The following DAB1 variants were observed in gnomAD, a reference collection of about 807,000 sequenced individuals.
DAB1 encodes disabled homolog 1.
In DAB1, 15 loss-of-function variants were observed where a neutral mutation model predicts 64.6. The ratio of observed to expected loss-of-function variants is 0.23; its 90% confidence interval spans 0.16 to 0.36. The LOEUF is 0.36. DAB1 is among the 10% of genes least tolerant of loss of function. The probability of loss-of-function intolerance (pLI) is 1.00; values close to 1 mark genes in which losing one functional copy is unlikely to be tolerated. For synonymous variants in DAB1, 235 were observed against 251.9 expected, an observed-to-expected ratio of 0.93 and a Z score of 0.64; for missense variants, 596 against 706.7, an observed-to-expected ratio of 0.84 and a Z score of 1.78.
Position 57,612,333 on chromosome 1 carries a change from T to C in DAB1, n.625+37259A>G, listed in dbSNP as rs188897236. Among the ~76,000 whole-genome samples, 15 of 152,242 alleles carry C rather than the reference T, an allele frequency of 9.9e-5. No individual in the cohort carries two copies. The East Asian group carries it at 2.9e-3, about 29-fold the overall frequency. On this transcript the variant is annotated intron_variant and non_coding_transcript_variant, in intron 7 of 20. Transcript: ENST00000485760. ...CTGTCCTAATCCCCAAAACCTGTGA[T>C]TATGTTACCTTACATGGTAAACGTA...
intron 5 of DAB1, among the ~76,000 whole-genome samples, chr1:58,010,245 T>A (rs1646648164): frequency 6.6e-6 from 1 of 152,194 alleles, no homozygotes; most frequent in African/African-American, 2.4e-5. Flanking sequence ...ATGCAGACAC[T>A]GAGGCTCAAG....
intron 4 of DAB1, among the ~76,000 whole-genome samples, chr1:57,097,022 G>A (rs1654228766): frequency 6.6e-6 from 1 of 152,090 alleles, no homozygotes; most frequent in African/African-American, 2.4e-5. Flanking sequence ...CAAGAAGGCA[G>A]GGGTAATAGG....
At chr1:57,561,028 T>C (rs185764640) in intron 7 of DAB1, among the ~76,000 whole-genome samples, 1 of 152,190 alleles carries the variant, frequency 6.6e-6, no homozygotes, top group Admixed American at 6.5e-5. Flanking sequence ...CATCATCAAA[T>C]GGAAGTGGTA....
At chr1:58,515,026 T>C (rs1646138307) in intron 2 of DAB1, among the ~76,000 whole-genome samples, 1 of 152,186 alleles carries the variant, frequency 6.6e-6, no homozygotes, top group Non-Finnish European at 1.5e-5. Flanking sequence ...TTGATTATTA[T>C]ACACTACAAT....
At chr1:57,645,237 G>C (rs1225512234) in intron 7 of DAB1, among the ~76,000 whole-genome samples, 1 of 152,098 alleles carries the variant, frequency 6.6e-6, no homozygotes, top group African/African-American at 2.4e-5. Context: ...TAGTCACGTT[G>C]GTATATTACA....
intron 3 of DAB1, chr1:58,415,352 A>G (rs1047398088): frequency 8.6e-6 from 2 of 233,694 alleles, no homozygotes; most frequent in Non-Finnish European, 1.4e-5. Context: ...TGTGCAGACT[A>G]AGACACTTGG....
chr1:58,029,755 C>T (rs559682005), intron 5 of DAB1, among the ~76,000 whole-genome samples: 2 of 151,968 alleles, frequency 1.3e-5, no homozygotes, highest in South Asian at 4.2e-4. Flanking sequence ...ATTTTAGCTT[C>T]AATAAATAAT....
chr1:57,068,817 A>G (rs988503537), intron 8 of DAB1, among the ~76,000 whole-genome samples: 3 of 152,208 alleles, frequency 2.0e-5, no homozygotes, highest in Non-Finnish European at 4.4e-5. Context: ...CTATAAAAAC[A>G]GAATTAAAAT....
At chr1:58,130,783 G>T (rs1021740188) in intron 5 of DAB1, among the ~76,000 whole-genome samples, 30 of 151,960 alleles carry the variant, frequency 2.0e-4, no homozygotes, top group Admixed American at 1.9e-3. Flanking sequence ...TTGAATATTG[G>T]CCCCCACTCT....
intron 6 of DAB1, among the ~76,000 whole-genome samples, chr1:57,726,326 G>T (rs1044766443): frequency 6.6e-6 from 1 of 152,130 alleles, no homozygotes; most frequent in Non-Finnish European, 1.5e-5. Flanking sequence ...ACTGAGTTCT[G>T]GATATTAAAT....
At chr1:57,809,807 C>T (rs928225738) in intron 6 of DAB1, among the ~76,000 whole-genome samples, 1 of 152,146 alleles carries the variant, frequency 6.6e-6, no homozygotes, top group African/African-American at 2.4e-5. Context: ...AGAAAATTAA[C>T]CTGACCTCTT....
chr1:58,312,206 G>C (rs1026347498), intron 4 of DAB1, among the ~76,000 whole-genome samples: 1 of 152,150 alleles, frequency 6.6e-6, no homozygotes, highest in Non-Finnish European at 1.5e-5. Flanking sequence ...AAGAGAGCAG[G>C]GCGATGCAAA....
intron 3 of DAB1, among the ~76,000 whole-genome samples, chr1:58,463,033 G>A (rs1488604483): frequency 1.3e-5 from 2 of 152,194 alleles, no homozygotes; most frequent in Non-Finnish European, 2.9e-5. Context: ...TGCTTCATAA[G>A]CAATGTCATA....
intron 5 of DAB1, among the ~76,000 whole-genome samples, chr1:58,033,318 T>C (rs184260701): frequency 2.0e-5 from 3 of 152,270 alleles, no homozygotes; most frequent in African/African-American, 4.8e-5. Flanking sequence ...ACTGTCTGGA[T>C]TGTAATCAGT....
intron 7 of DAB1, among the ~76,000 whole-genome samples, chr1:57,517,484 G>A (rs115366764): frequency 3.7e-4 from 57 of 152,290 alleles, no homozygotes; most frequent in African/African-American, 1.3e-3. Context: ...TAAGTGAATT[G>A]AAATGGGGAA....
At chr1:57,484,877 G>A (rs771287813) in intron 7 of DAB1, among the ~76,000 whole-genome samples, 3 of 152,116 alleles carry the variant, frequency 2.0e-5, no homozygotes, top group African/African-American at 2.4e-5. Context: ...TGTGGTGCTG[G>A]TGAACAAGTT....
chr1:57,052,775 G>A (rs1358284141), intron 9 of DAB1, among the ~76,000 whole-genome samples: 1 of 152,168 alleles, frequency 6.6e-6, no homozygotes, highest in Admixed American at 6.5e-5. Flanking sequence ...ATACCTTATA[G>A]AACCATTGAT....
intron 5 of DAB1, among the ~76,000 whole-genome samples, chr1:58,126,674 G>C (rs1653121251): frequency 7.6e-6 from 1 of 132,402 alleles, no homozygotes; most frequent in African/African-American, 2.9e-5. Context: ...TGATCTCATT[G>C]TTCAATTCCC....
intron 1 of DAB1, among the ~76,000 whole-genome samples, chr1:57,846,558 TG>T (rs1653296818): frequency 6.6e-6 from 1 of 152,206 alleles, no homozygotes; most frequent in African/African-American, 2.4e-5. Flanking sequence ...TACTCTGTGC[TG>T]TTTACTCTGC....
Sources: gnomAD v4.1 joint callset for allele counts (sites outside exome capture counted in the v4.1 genomes callset) on GRCh38, gnomAD v4.1.1 for gene constraint, MANE v1.5 for transcripts, NCBI Gene and HGNC (gene_info 2026-07-23, HGNC 2026-07-21) for gene names.